PCNT: variants seen among roughly 807,000 people sequenced by gnomAD.
PCNT encodes the protein pericentrin.
In PCNT, 319 loss-of-function variants were observed where a neutral mutation model predicts 380.4. The observed-to-expected ratio is 0.84, with a 90% CI of 0.77 to 0.92. PCNT has a LOEUF of 0.92. Ranked by LOEUF, PCNT falls within the 40% of genes least tolerant of loss-of-function variation. The pLI, the probability that PCNT is intolerant of heterozygous loss-of-function variation, is 0.00. For synonymous variants in PCNT, 1,845 were observed against 1,735.2 expected (o/e 1.06, Z -1.57); for missense variants, 4,400 against 4,255.3 (o/e 1.03, Z -0.95).
rs755037394 is a variant in PCNT, at chr21:46,444,651, T to C, written c.9840-43T>C. The C allele has an allele frequency of 9.8e-4, 687 of 703,408 alleles. 1 individual carries two copies. Among genetic ancestry groups the C allele is most frequent in the Non-Finnish European group, 1.2e-3 (646 of 525,882 alleles). The allele number at this position is 703,408 out of a possible 1,614,324, so 43.6% of individuals were successfully genotyped here. ...CTCCGTCTGTCAAACTCAACTCTTT[T>C]TTTTTTTTTTTTTCTTCTCTTGGTG... is the stretch of plus-strand genomic sequence containing the variant. On this transcript the variant is annotated intron_variant, in intron 45 of 46. Transcript: ENST00000359568.
In PCNT at chr21:46,353,128, G is replaced by A. The variant is rs201360311; in HGVS notation, c.1481G>A (p.Arg494His). The A allele has an allele frequency of 6.2e-6, 10 of 1,613,870 alleles. No individual in the cohort carries two copies. Among genetic ancestry groups the A allele is most frequent in the African/African-American group, 1.3e-5 (1 of 74,924 alleles). ...LSELHEQLLA[R>H]TSRVEDLEQL... ...GAGCTACATGAGCAACTCCTGGCGC[G>A]CACCTCTCGTGTGGAAGATTTAGAA... is the stretch of plus-strand genomic sequence containing the variant. The change falls in exon 10 of 47, where the codon CGC becomes CAC. Residue 494 changes from arginine to histidine, a missense_variant. Arg to His is a conservative substitution (Grantham distance 29). Transcript: ENST00000359568.
chr21:46,346,931 G>A lies in PCNT; in HGVS notation c.909G>A (p.Leu303=), dbSNP rs759236031. The change falls in exon 5 of 47, where the codon CTG becomes CTA. Residue 303 remains leucine, a synonymous_variant. Coordinates refer to ENST00000359568, the MANE Select transcript of PCNT (RefSeq NM_006031.6). ...TACAGAGCAGGCAGCAGCACGAGCT[G>A]GAGCTCCTCAGGGAGCAGCACGCAC... ...ALLQSRQQHE[L]ELLREQHARE... 4.0e-5 allele frequency: 64 copies of A among 1,599,154 alleles called. No individual in the cohort carries two copies. In the South Asian group the frequency reaches 7.1e-4, roughly 18 times the overall value.
chr21:46,364,051 A>T (rs1456922970), intron 14 of PCNT, 117 bp downstream of exon 14: 2 of 901,336 alleles, frequency 2.2e-6, no homozygotes, highest in Admixed American at 4.3e-5. Context: ...AAAGGTCTGG[A>T]GGGAGCTGGA....
At chr21:46,370,330 G>T (rs2085074221) in intron 15 of PCNT, among the ~76,000 whole-genome samples, 1 of 152,074 alleles carries the variant, frequency 6.6e-6, no homozygotes, top group Non-Finnish European at 1.5e-5. Context: ...GACCAGATCT[G>T]TCCTACAGGC....
At chr21:46,330,431 C>T (rs2083520717) in intron 2 of PCNT, among the ~76,000 whole-genome samples, 1 of 152,124 alleles carries the variant, frequency 6.6e-6, no homozygotes, top group African/African-American at 2.4e-5. Flanking sequence ...AATTTATTTT[C>T]TTTATACATG....
chr21:46,393,420 G>A (rs1328838165), intron 21 of PCNT, among the ~76,000 whole-genome samples: 16 of 152,070 alleles, frequency 1.1e-4, no homozygotes, highest in Admixed American at 7.2e-4. Flanking sequence ...CTGTTTCTCC[G>A]ATGCTTTCTC....
rs1368611764 is a variant in PCNT, at chr21:46,385,849, A to G, written c.3330A>G (p.Leu1110=). ...HQVQQLKDQV[L]SLSHEIEECR... is the part of the protein sequence containing the mutation. ...CTCGATAGCTGAAAGACCAGGTTTT[A>G]TCCTTAAGTCACGAGATAGAAGAGT... is the stretch of plus-strand genomic sequence containing the variant. The change falls in exon 17 of 47, where the codon TTA becomes TTG. Residue 1110 remains leucine, a synonymous_variant. Transcript: ENST00000359568. The G allele has an allele frequency of 6.2e-7, 1 of 1,614,244 alleles. No individual in the cohort carries two copies. The highest frequency in any genetic ancestry group is 1.3e-5 in the African/African-American group (1 of 75,074).
At position 46,431,549 on chromosome 21, in the gene PCNT, GACA is replaced by G; in HGVS notation, c.8086_8088del (p.Thr2696del). The G allele has an allele frequency of 6.2e-7, 1 of 1,614,068 alleles. No homozygotes were observed. The highest frequency in any genetic ancestry group is 8.5e-7 in the Non-Finnish European group (1 of 1,179,964). ...TCTAGGAGCTGCGGGCGTCTTTGGA[GACA>G]CAGCGTGCTCAGAGCAGTCGACTCT... On this transcript the variant is annotated inframe_deletion, in exon 38 of 47. Coordinates refer to ENST00000359568, the MANE Select transcript of PCNT (RefSeq NM_006031.6).
chr21:46,444,936 A>ACAT, intron 46 of PCNT, 115 bp downstream of exon 46: 1 of 950,938 alleles, frequency 1.1e-6, no homozygotes, highest in African/African-American at 1.6e-5. Context: ...TTCAGTCTGA[A>ACAT]CAATCAGTGT....
chr21:46,357,272 T>G (rs1325299161), intron 13 of PCNT, 81 bp downstream of exon 13: 1 of 984,984 alleles, frequency 1.0e-6, no homozygotes, highest in Non-Finnish European at 1.6e-6. Flanking sequence ...TCCTTGTGTA[T>G]GGAGGGGCAT....
At chr21:46,338,815 C>G (rs1000181582) in intron 3 of PCNT, among the ~76,000 whole-genome samples, 4 of 151,672 alleles carry the variant, frequency 2.6e-5, no homozygotes, top group African/African-American at 9.7e-5. Flanking sequence ...CAGGGTCTCT[C>G]ACTCGCCCAG....
At chr21:46,427,601 G>A (rs535126420) in intron 33 of PCNT, 21 bp from the exon 34 acceptor site, 17 of 1,613,780 alleles carry the variant, frequency 1.1e-5, no homozygotes, top group Middle Eastern at 1.6e-4. Context: ...AGGACGCCAC[G>A]TTTCTTCCTT....
intron 27 of PCNT, among the ~76,000 whole-genome samples, chr21:46,404,289 A>T (rs936688751): frequency 6.6e-6 from 1 of 152,278 alleles, no homozygotes; most frequent in Non-Finnish European, 1.5e-5. Flanking sequence ...TTCCAATTTA[A>T]AACTGTAGGC....
intron 38 of PCNT, among the ~76,000 whole-genome samples, chr21:46,433,086 A>G (rs2087835970): frequency 6.6e-6 from 1 of 152,230 alleles, no homozygotes; most frequent in Non-Finnish European, 1.5e-5. Flanking sequence ...TGTTGAATAG[A>G]AGGGATGAGA....
chr21:46,443,954 T>G lies in PCNT; in HGVS notation c.9839+6T>G. 1 of 1,611,522 alleles carries G rather than the reference T, an allele frequency of 6.2e-7. No homozygotes were observed. Among genetic ancestry groups the G allele is most frequent in the Non-Finnish European group, 8.5e-7 (1 of 1,179,464 alleles). On this transcript the variant is annotated splice_donor_region_variant and intron_variant, in intron 45 of 46. Coordinates refer to ENST00000359568, the MANE Select transcript of PCNT (RefSeq NM_006031.6). The stretch of plus-strand genomic sequence containing the variant: ...TCCCCACACAGTGGGGGAAGGTCAG[T>G]GTGATGCCTTCAGGCCCCGTCTCCT...
intron 13 of PCNT, among the ~76,000 whole-genome samples, chr21:46,360,756 GATCCGCCCA>G (rs2084686566): frequency 6.6e-6 from 1 of 151,542 alleles, no homozygotes; most frequent in South Asian, 2.1e-4. Flanking sequence ...CTGACTTCCC[GATCCGCCCA>G]CCTCGGCCTC....
chr21:46,409,275 G>A (rs909412829), intron 27 of PCNT, among the ~76,000 whole-genome samples: 14 of 141,182 alleles, frequency 9.9e-5, no homozygotes, highest in Non-Finnish European at 1.7e-4. Context: ...TGCAACCTCC[G>A]CCTCCCAGGC....
intron 15 of PCNT, among the ~76,000 whole-genome samples, chr21:46,368,369 A>C: frequency 6.6e-6 from 1 of 150,522 alleles, no homozygotes; most frequent in Non-Finnish European, 1.5e-5. Flanking sequence ...AATGATGTGA[A>C]CCCGGGAGGC....
At chr21:46,324,596 A>T (rs1384984251) in intron 1 of PCNT, among the ~76,000 whole-genome samples, 2 of 148,132 alleles carry the variant, frequency 1.4e-5, no homozygotes, top group Non-Finnish European at 3.0e-5. Flanking sequence ...GGCGCGGTGC[A>T]CGCCGGGGCG....
Sources: allele counts gnomAD v4.1 joint callset (sites outside exome capture counted in the v4.1 genomes callset), GRCh38; gene constraint gnomAD v4.1.1; transcripts MANE v1.5; gene names NCBI Gene and HGNC (gene_info 2026-07-23, HGNC 2026-07-21).